Variants in SYNPR observed in about 807,000 individuals in gnomAD.
SYNPR encodes synaptoporin.
A neutral mutation model predicts 32.9 loss-of-function variants in SYNPR; 23 were observed. The ratio of observed to expected loss-of-function variants is 0.70; its 90% confidence interval spans 0.50 to 0.99. SYNPR has a LOEUF of 0.99. Ranked by LOEUF, SYNPR falls within the 50% of genes least tolerant of loss-of-function variation. SYNPR has a pLI of 0.00. For synonymous variants in SYNPR, 146 were observed against 135.9 expected, an observed-to-expected ratio of 1.07 and a Z score of -0.52; for missense variants, 318 against 349.3, an observed-to-expected ratio of 0.91 and a Z score of 0.71.
chr3:63,221,211 T>C, the SYNPR span, among the ~76,000 whole-genome samples: 8 of 152,038 alleles, frequency 5.3e-5, no homozygotes, highest in African/African-American at 1.9e-4. Context: ...TGAAATATAA[T>C]AAATAATATT....
chr3:63,430,462 T>C (rs1306965436), intron 2 of SYNPR, among the ~76,000 whole-genome samples: 1 of 151,994 alleles, frequency 6.6e-6, no homozygotes, highest in Non-Finnish European at 1.5e-5. Flanking sequence ...AATTGTGAAG[T>C]CTTAAGACAA....
rs977472888 is a variant in SYNPR, at chr3:63,327,023, G to A, written c.84+48281G>A. ...CATAGAAAAAAAAAAATGAACCACT[G>A]ACACTTTACTTTTAGATTTCCTGTT... On this transcript the variant is annotated intron_variant, in intron 2 of 5. Coordinates refer to ENST00000478300, the MANE Select transcript of SYNPR (RefSeq NM_001130003.2). 4.0e-5 allele frequency among the ~76,000 whole-genome samples: 6 copies of A among 151,190 alleles called. 1 individual carries two copies. The highest frequency in any genetic ancestry group is 2.4e-5 in the African/African-American group (1 of 41,096).
intron 1 of SYNPR, among the ~76,000 whole-genome samples, chr3:63,230,014 G>A (rs905364729): frequency 6.6e-6 from 1 of 152,042 alleles, no homozygotes; most frequent in Non-Finnish European, 1.5e-5. Context: ...AGTGGTATAT[G>A]GACCATGCAT....
At chr3:63,545,381 C>T (rs939096812) in intron 3 of SYNPR, 1 of 152,046 alleles carries the variant, frequency 6.6e-6, no homozygotes, top group Non-Finnish European at 1.5e-5. Flanking sequence ...TGTAACATGA[C>T]CCAGAGTATA....
intron 2 of SYNPR, among the ~76,000 whole-genome samples, chr3:63,376,631 CT>C (rs1294828448): frequency 1.3e-5 from 2 of 152,106 alleles, no homozygotes; most frequent in Non-Finnish European, 2.9e-5. Context: ...GTGAATCATT[CT>C]TTCACAGAAT....
intron 4 of SYNPR, among the ~76,000 whole-genome samples, chr3:63,574,466 T>C (rs1702943901): frequency 6.6e-6 from 1 of 152,126 alleles, no homozygotes; most frequent in Non-Finnish European, 1.5e-5. Flanking sequence ...GAATGAGTAA[T>C]TCTCAGTGGT....
At chr3:63,340,708 C>T (rs907281795) in intron 2 of SYNPR, among the ~76,000 whole-genome samples, 3 of 152,084 alleles carry the variant, frequency 2.0e-5, no homozygotes, top group African/African-American at 4.8e-5. Flanking sequence ...CGTGAGCCAC[C>T]GCGCCCGGCC....
chr3:63,530,420 A>T (rs1397058826), intron 3 of SYNPR, among the ~76,000 whole-genome samples: 1 of 152,168 alleles, frequency 6.6e-6, no homozygotes, highest in African/African-American at 2.4e-5. Flanking sequence ...AAAGTCTCCA[A>T]TCTATCTTCA....
chr3:63,473,412 T>C (rs1700842114), intron 2 of SYNPR, among the ~76,000 whole-genome samples: 1 of 152,140 alleles, frequency 6.6e-6, no homozygotes, highest in South Asian at 2.1e-4. Flanking sequence ...TGATTGATTG[T>C]ATTTCTTTTT....
Position 63,605,912 on chromosome 3 carries a change from G to A in SYNPR, c.409-3213G>A, listed in dbSNP as rs150946347. On this transcript the variant is annotated intron_variant, in intron 4 of 5. Transcript: ENST00000478300. Reference sequence around the variant, plus strand: ...CCTGCTATGGGGCATGTATGTTCCCGCTCCATAGCCTTATATGATTTGTAT... The same window carrying A: ...CCTGCTATGGGGCATGTATGTTCCCACTCCATAGCCTTATATGATTTGTAT... 1.5e-3 allele frequency among the ~76,000 whole-genome samples: 228 copies of A among 152,298 alleles called. 1 individual carries two copies. Among genetic ancestry groups the A allele is most frequent in the African/African-American group, 5.1e-3 (214 of 41,556 alleles).
At chr3:63,610,611 C>G (rs1262607640) in intron 5 of SYNPR, 6 of 601,128 alleles carry the variant, frequency 1.0e-5, no homozygotes, top group Admixed American at 7.6e-5. Context: ...AATTTTTATT[C>G]ATTGCTGACC....
chr3:63,204,020 A>G, the SYNPR span, among the ~76,000 whole-genome samples: 5 of 152,046 alleles, frequency 3.3e-5, no homozygotes, highest in Non-Finnish European at 7.4e-5. Context: ...AACAAAAAAA[A>G]GTTTGCTGGC....
At chr3:63,445,508 T>C (rs1245493541) in intron 2 of SYNPR, 2 of 692,764 alleles carry the variant, frequency 2.9e-6, no homozygotes, top group African/African-American at 3.5e-5. Flanking sequence ...AAAGGGATTT[T>C]TAAAATTTCA....
intron 2 of SYNPR, among the ~76,000 whole-genome samples, chr3:63,365,291 A>G (rs2087717422): frequency 6.6e-6 from 1 of 152,128 alleles, no homozygotes; most frequent in South Asian, 2.1e-4. Flanking sequence ...ATAGTTTCAA[A>G]CTTGAAGGTA....
At chr3:63,483,240 C>A (rs1701081350) in intron 3 of SYNPR, among the ~76,000 whole-genome samples, 1 of 152,166 alleles carries the variant, frequency 6.6e-6, no homozygotes, top group African/African-American at 2.4e-5. Flanking sequence ...GAATGTCCAT[C>A]AGCAGGAAGC....
chr3:63,240,566 A>T (rs1321209278), intron 1 of SYNPR, among the ~76,000 whole-genome samples: 1 of 152,006 alleles, frequency 6.6e-6, no homozygotes, highest in East Asian at 1.9e-4. Context: ...GAGGTGGGGG[A>T]GTAAGCGAGA....
At chr3:63,466,807 G>A (rs1050878040) in intron 2 of SYNPR, among the ~76,000 whole-genome samples, 20 of 152,140 alleles carry the variant, frequency 1.3e-4, no homozygotes, top group African/African-American at 3.1e-4. Flanking sequence ...CTATCAAATC[G>A]GGCCTCATCC....
intron 3 of SYNPR, among the ~76,000 whole-genome samples, chr3:63,491,576 A>G (rs1255140368): frequency 6.6e-6 from 1 of 152,128 alleles, no homozygotes; most frequent in East Asian, 1.9e-4. Context: ...GCTGGAGGGC[A>G]ATGGTGCAAT....
At chr3:63,594,128 T>C (rs6445364) in intron 4 of SYNPR, among the ~76,000 whole-genome samples, 70,942 of 151,964 alleles carry the variant, frequency 0.47, 18,615 homozygotes, top group African/African-American at 0.72. Context: ...CGCAGGGTTG[T>C]GGTGAAGATG....
Sources: allele counts gnomAD v4.1 joint callset (sites outside exome capture counted in the v4.1 genomes callset), GRCh38; gene constraint gnomAD v4.1.1; transcripts MANE v1.5; gene names NCBI Gene and HGNC (gene_info 2026-07-23, HGNC 2026-07-21).